The following HTR1E variants were observed in gnomAD, a reference collection of about 807,000 sequenced individuals.
HTR1E encodes 5-hydroxytryptamine receptor 1E, also known as 5-HT-1E.
HTR1E carries 3 observed loss-of-function variants against 3.4 expected under a neutral mutation model. The ratio of observed to expected loss-of-function variants is 0.89; its 90% CI spans 0.41 to 2.31. HTR1E has a LOEUF of 2.31. Among genes scored for constraint, HTR1E ranks in the 30% most tolerant of loss-of-function variants. HTR1E has a pLI of 0.05. For missense variants in HTR1E, 392 were observed against 467.0 expected, an observed-to-expected ratio of 0.84 and a Z score of 1.48; for synonymous variants, 170 against 182.8, an observed-to-expected ratio of 0.93 and a Z score of 0.56.
intron 1 of HTR1E, among the ~76,000 whole-genome samples, chr6:86,947,386 C>T (rs182302444): frequency 6.6e-6 from 1 of 152,224 alleles, no homozygotes; most frequent in African/African-American, 2.4e-5. Flanking sequence ...TCTTCTCTCA[C>T]TGTAAATTGG....
chr6:86,966,828 G>A (rs1767477816), intron 1 of HTR1E, among the ~76,000 whole-genome samples: 1 of 152,090 alleles, frequency 6.6e-6, no homozygotes, highest in Admixed American at 6.6e-5. Context: ...TTACACCAGG[G>A]CTTCTGAAAC....
chr6:86,957,509 A>T (rs1047573872), intron 1 of HTR1E, among the ~76,000 whole-genome samples: 1 of 152,156 alleles, frequency 6.6e-6, no homozygotes, highest in Non-Finnish European at 1.5e-5. Flanking sequence ...AGAATTTCAG[A>T]TGAGCTTTCC....
chr6:86,950,123 T>C (rs1471908943), intron 1 of HTR1E, among the ~76,000 whole-genome samples: 3 of 152,238 alleles, frequency 2.0e-5, no homozygotes, highest in South Asian at 2.1e-4. Flanking sequence ...AAGAATATTA[T>C]GTTCAAATTC....
chr6:86,977,715 T>C (rs1428572499), intron 1 of HTR1E, among the ~76,000 whole-genome samples: 1 of 152,146 alleles, frequency 6.6e-6, no homozygotes, highest in Admixed American at 6.5e-5. Context: ...TTTAATATAA[T>C]AGCCATTCTG....
At chr6:87,006,698 G>A (rs542292398) in intron 1 of HTR1E, among the ~76,000 whole-genome samples, 3 of 152,196 alleles carry the variant, frequency 2.0e-5, no homozygotes, top group African/African-American at 4.8e-5. Context: ...TGATACACTG[G>A]TAAAGAAAAC....
intron 1 of HTR1E, among the ~76,000 whole-genome samples, chr6:86,955,008 T>C (rs2127818862): frequency 6.6e-6 from 1 of 152,208 alleles, no homozygotes; most frequent in Middle Eastern, 3.4e-3. Flanking sequence ...TCCCTGACAA[T>C]ATGCTTGGTT....
At chr6:86,943,454 T>C (rs1261594948) in intron 1 of HTR1E, among the ~76,000 whole-genome samples, 1 of 152,212 alleles carries the variant, frequency 6.6e-6, no homozygotes, top group Non-Finnish European at 1.5e-5. Context: ...TACCCCATTC[T>C]CTTGGCTGTA....
chr6:86,951,933 T>C (rs1381937612), intron 1 of HTR1E, among the ~76,000 whole-genome samples: 1 of 152,188 alleles, frequency 6.6e-6, no homozygotes, highest in Non-Finnish European at 1.5e-5. Flanking sequence ...TTGGCAAATA[T>C]ATTTTTATAC....
intron 1 of HTR1E, among the ~76,000 whole-genome samples, chr6:86,978,484 A>C (rs573213056): frequency 1.3e-3 from 194 of 152,300 alleles, no homozygotes; most frequent in African/African-American, 4.5e-3. Flanking sequence ...TGTCTAATGG[A>C]GCAGAAATAT....
chr6:86,946,031 AC>A (rs1768611501), intron 1 of HTR1E, among the ~76,000 whole-genome samples: 1 of 152,106 alleles, frequency 6.6e-6, no homozygotes, highest in Admixed American at 6.6e-5. Context: ...GAGCCACCAC[AC>A]CCGGCCTAAT....
At chr6:87,007,984 C>A (rs1316907386) in intron 1 of HTR1E, among the ~76,000 whole-genome samples, 1 of 152,092 alleles carries the variant, frequency 6.6e-6, no homozygotes, top group South Asian at 2.1e-4. Context: ...TTAAAAAATA[C>A]AAAGGCAAAC....
At chr6:87,014,265 T>TAAC (rs1403020392) in intron 1 of HTR1E, among the ~76,000 whole-genome samples, 25 of 143,240 alleles carry the variant, frequency 1.7e-4, no homozygotes, top group Non-Finnish European at 3.0e-4. Context: ...ATAATAATAA[T>TAAC]AATAATAATA....
intron 1 of HTR1E, among the ~76,000 whole-genome samples, chr6:87,002,261 G>C (rs1768034711): frequency 6.6e-6 from 1 of 152,180 alleles, no homozygotes; most frequent in African/African-American, 2.4e-5. Context: ...TCTTACTTCT[G>C]GTGGGTTCGT....
At chr6:87,003,078 A>G (rs548130695) in intron 1 of HTR1E, among the ~76,000 whole-genome samples, 215 of 152,342 alleles carry the variant, frequency 1.4e-3, no homozygotes, top group Non-Finnish European at 2.8e-3. Context: ...GTTAGACAAC[A>G]AAAAAGCCTT....
intron 1 of HTR1E, among the ~76,000 whole-genome samples, chr6:86,995,665 C>CAAAAAAAAAAAA (rs60134206): frequency 1.1e-4 from 4 of 36,692 alleles, no homozygotes; most frequent in East Asian, 6.6e-4. Flanking sequence ...GACTCCATCT[C>CAAAAAAAAAAAA]AAAAAAAAAA....
chr6:87,012,053 A>T (rs1768245585), intron 1 of HTR1E, among the ~76,000 whole-genome samples: 1 of 152,200 alleles, frequency 6.6e-6, no homozygotes, highest in East Asian at 1.9e-4. Flanking sequence ...GGGGCTAGGC[A>T]TGGGGTTCCC....
At chr6:86,996,060 A>T (rs1767936213) in intron 1 of HTR1E, among the ~76,000 whole-genome samples, 1 of 152,202 alleles carries the variant, frequency 6.6e-6, no homozygotes, top group Admixed American at 6.5e-5. Context: ...AAAAACTGAC[A>T]GAACAAAATG....
Position 87,015,159 on chromosome 6 carries a change from C to T in HTR1E, c.-176C>T, listed in dbSNP as rs1768299541. 2.4e-6 allele frequency: 1 copy of T among 419,698 alleles called. No individual in the cohort carries two copies. The highest frequency in any genetic ancestry group is 2.0e-5 in the African/African-American group (1 of 48,930). The allele number at this position is 419,698 out of a possible 1,614,324, so 26.0% of individuals were successfully genotyped here. A position where few individuals can be genotyped will look rare whatever the true frequency, so the allele number is the denominator to read the frequency against. ...GCATAATATTTTCCAGGAACCTTCA[C>T]TCAGAAGAAATGCTGTGGCCCTTCC... On this transcript the variant is annotated 5_prime_UTR_variant, in exon 2 of 2. Transcript: ENST00000305344.
intron 1 of HTR1E, among the ~76,000 whole-genome samples, chr6:87,011,666 T>C (rs973105718): frequency 2.4e-4 from 36 of 152,336 alleles, no homozygotes; most frequent in African/African-American, 8.2e-4. Context: ...CTATTTTCTA[T>C]TTTTTCCCTT....
Sources: gnomAD v4.1 joint callset for allele counts (sites outside exome capture counted in the v4.1 genomes callset) on GRCh38, gnomAD v4.1.1 for gene constraint, MANE v1.5 for transcripts, NCBI Gene and HGNC (gene_info 2026-07-23, HGNC 2026-07-21) for gene names.